Variants in CEMIP observed in about 807,000 individuals in gnomAD.
CEMIP encodes the protein cell migration-inducing and hyaluronan-binding protein.
In CEMIP, 105 loss-of-function variants were observed where a neutral mutation model predicts 156.9. The observed-to-expected ratio is 0.67, with a 90% CI of 0.57 to 0.79. The LOEUF (loss-of-function observed/expected upper bound fraction) is 0.79, where lower values mean the gene tolerates loss of function less well. Ranked by LOEUF, CEMIP falls within the 30% of genes least tolerant of loss-of-function variation. The pLI is 0.00. For missense variants in CEMIP, 1,457 were observed against 1,769.4 expected (o/e 0.82, Z 3.17); for synonymous variants, 676 against 668.4 (o/e 1.01, Z -0.17).
In CEMIP at chr15:80,906,639, T is replaced by C; in HGVS notation, c.1412-24T>C. On this transcript the variant is annotated intron_variant, in intron 12 of 29. Transcript: ENST00000394685. This position sits in a 1 kb window ranked among gnomAD's most constrained non-coding sequence, Gnocchi z 4.3. Reference sequence around the variant, plus strand: ...TGGGCATGCAGTACCTGCTGTTGTTTACCGTCCTCCCTTTCTGCCCTAGGG... The same window carrying C: ...TGGGCATGCAGTACCTGCTGTTGTTCACCGTCCTCCCTTTCTGCCCTAGGG... 1 of 1,602,882 alleles carries C rather than the reference T, an allele frequency of 6.2e-7. No homozygotes were observed. The highest frequency in any genetic ancestry group is 8.5e-7 in the Non-Finnish European group (1 of 1,173,164).
At chr15:80,901,046 A>G in intron 12 of CEMIP, 1 of 448,114 alleles carries the variant, frequency 2.2e-6, no homozygotes, top group East Asian at 7.1e-5. Flanking sequence ...TTTGTCAACC[A>G]CAGTATGATT....
At position 80,788,035 on chromosome 15, in the gene CEMIP, G is replaced by A. The variant is rs183989923; in HGVS notation, c.-176+8421G>A. On this transcript the variant is annotated intron_variant, in intron 1 of 29. Coordinates refer to ENST00000394685, the MANE Select transcript of CEMIP (RefSeq NM_001293298.2). ...TCAAGCCCCCTAAAGGCTCGCCTCAGGAGTCCTACTGAATCCTGGGTCTCC... is the reference window on the plus strand; with the variant it reads ...TCAAGCCCCCTAAAGGCTCGCCTCAAGAGTCCTACTGAATCCTGGGTCTCC... Among the ~76,000 whole-genome samples, 401 of 152,278 alleles carry A rather than the reference G, an allele frequency of 2.6e-3. 4 individuals are homozygous for A. Among genetic ancestry groups the A allele is most frequent in the African/African-American group, 9.1e-3 (379 of 41,548 alleles).
chr15:80,810,702 T>G (rs1346808527), intron 1 of CEMIP, among the ~76,000 whole-genome samples: 7 of 152,184 alleles, frequency 4.6e-5, no homozygotes, highest in Non-Finnish European at 7.3e-5. Context: ...CTGACTTGGC[T>G]CCTTGAGAAC....
intron 1 of CEMIP, among the ~76,000 whole-genome samples, chr15:80,862,616 T>C (rs930720852): frequency 1.3e-5 from 2 of 152,180 alleles, no homozygotes; most frequent in East Asian, 1.9e-4. Flanking sequence ...CCACTTTCAC[T>C]GTGAGGTAGG....
rs1027937044 is a variant in CEMIP, at chr15:80,901,493, GGAGTTCGA to G, written c.1412-5167_1412-5160del. On this transcript the variant is annotated intron_variant, in intron 12 of 29. Transcript: ENST00000394685. The stretch of plus-strand genomic sequence containing the variant: ...GAGGTGGGTGGATCACCTGAGGTCA[GGAGTTCGA>G]GACCAGCCTGGCCAACATAGTGAAA... Among the ~76,000 whole-genome samples the G allele has an allele frequency of 1.1e-4, 16 of 152,250 alleles. No homozygotes were observed. In the East Asian group the frequency reaches 3.1e-3, roughly 29 times the overall value.
chr15:80,869,206 C>A (rs1338013528), intron 1 of CEMIP, among the ~76,000 whole-genome samples: 1 of 152,136 alleles, frequency 6.6e-6, no homozygotes, highest in African/African-American at 2.4e-5. Flanking sequence ...TAGGGCCCAC[C>A]CGTATGACCT....
chr15:80,833,439 G>T (rs1007270078), intron 1 of CEMIP, among the ~76,000 whole-genome samples: 2 of 152,146 alleles, frequency 1.3e-5, no homozygotes, highest in Non-Finnish European at 2.9e-5. Context: ...TTTTTGAAAC[G>T]TAAGAACTCA....
In CEMIP at chr15:80,915,703, C is replaced by T. The variant is rs1453442345; in HGVS notation, c.1798-4391C>T. Among the ~76,000 whole-genome samples the T allele has an allele frequency of 2.0e-5, 3 of 152,274 alleles. No individual in the cohort carries two copies. The South Asian group carries it at 6.2e-4, about 32-fold the overall frequency. On this transcript the variant is annotated intron_variant, in intron 14 of 29. Coordinates refer to ENST00000394685, the MANE Select transcript of CEMIP (RefSeq NM_001293298.2). Reference sequence around the variant, plus strand: ...CCTGGTTGTTGAGTTCTTGCCCCTCCTCCTCATTCTCCCATCCTCCTCCCC... The same window carrying T: ...CCTGGTTGTTGAGTTCTTGCCCCTCTTCCTCATTCTCCCATCCTCCTCCCC...
At chr15:80,920,502 G>A (rs1374406404) in intron 15 of CEMIP, among the ~76,000 whole-genome samples, 1 of 152,192 alleles carries the variant, frequency 6.6e-6, no homozygotes, top group Non-Finnish European at 1.5e-5. Flanking sequence ...TCCCTTCTCA[G>A]TTTGCCTCAT....
At chr15:80,833,225 C>T (rs988637919) in intron 1 of CEMIP, among the ~76,000 whole-genome samples, 18 of 152,094 alleles carry the variant, frequency 1.2e-4, no homozygotes, top group African/African-American at 3.9e-4. Context: ...TTGGGAAATT[C>T]GGGGACCCAG....
In CEMIP at chr15:80,933,454, T is replaced by C; in HGVS notation, c.3003T>C (p.Tyr1001=). The change falls in exon 23 of 30, where the codon TAT becomes TAC. Residue 1001 remains tyrosine (Y), a synonymous_variant. Transcript: ENST00000394685. ...GAGGGGCCATTTGCAGTGGGTGCTA[T>C]GCACAGGTGGGGACACCATTCTGGG... ...DWRGAICSGC[Y]AQMYIQAYKT... The C allele has an allele frequency of 6.2e-7, 1 of 1,613,882 alleles. No homozygotes were observed. Among genetic ancestry groups the C allele is most frequent in the Non-Finnish European group, 8.5e-7 (1 of 1,179,786 alleles).
chr15:80,807,869 G>A (rs1278365382), intron 1 of CEMIP, among the ~76,000 whole-genome samples: 7 of 152,138 alleles, frequency 4.6e-5, no homozygotes, highest in Admixed American at 1.3e-4. Context: ...CCTGGTGTTC[G>A]TAGGCACCTG....
chr15:80,880,057 G>T (rs552980783), intron 5 of CEMIP, among the ~76,000 whole-genome samples: 1 of 152,198 alleles, frequency 6.6e-6, no homozygotes, highest in Non-Finnish European at 1.5e-5. Flanking sequence ...ATAGTGGCCT[G>T]GATGCTGTAC....
chr15:80,816,618 A>G (rs1355737234), intron 1 of CEMIP, among the ~76,000 whole-genome samples: 1 of 152,156 alleles, frequency 6.6e-6, no homozygotes, highest in Non-Finnish European at 1.5e-5. Context: ...AAAAGATTGA[A>G]TCATCTCCAC....
chr15:80,888,528 AT>A (rs1358508403), intron 8 of CEMIP, among the ~76,000 whole-genome samples, 172 bp from the exon 9 acceptor site: 1 of 152,188 alleles, frequency 6.6e-6, no homozygotes, highest in African/African-American at 2.4e-5. Context: ...AGAATGGATG[AT>A]CATCTCTTCC....
intron 1 of CEMIP, among the ~76,000 whole-genome samples, chr15:80,787,708 C>T (rs1002877127): frequency 6.6e-6 from 1 of 152,164 alleles, no homozygotes; most frequent in Non-Finnish European, 1.5e-5. Flanking sequence ...CCACAGATGC[C>T]GGTTTCTAAA....
intron 1 of CEMIP, among the ~76,000 whole-genome samples, chr15:80,830,560 G>A (rs1223243636): frequency 6.6e-6 from 1 of 152,156 alleles, no homozygotes; most frequent in East Asian, 1.9e-4. Flanking sequence ...TGCCTCGAGG[G>A]TACTTTGAGC....
intron 6 of CEMIP, among the ~76,000 whole-genome samples, chr15:80,881,724 C>T (rs1377025301): frequency 1.3e-5 from 2 of 152,158 alleles, no homozygotes; most frequent in Non-Finnish European, 2.9e-5. Context: ...GATGCAAAGT[C>T]ACTGAAAGTC....
intron 17 of CEMIP, 38 bp downstream of exon 17, chr15:80,922,175 T>C (rs775166654): frequency 6.2e-6 from 10 of 1,613,184 alleles, no homozygotes; most frequent in Non-Finnish European, 8.5e-6. Context: ...GGCCAGCCTC[T>C]CGGTCCCCTT....
Sources: allele counts gnomAD v4.1 joint callset (sites outside exome capture counted in the v4.1 genomes callset), GRCh38; gene constraint gnomAD v4.1.1; non-coding constraint Gnocchi (gnomAD v3.1); transcripts MANE v1.5; gene names NCBI Gene and HGNC (gene_info 2026-07-23, HGNC 2026-07-21).